Variants in UGT1A8 observed in about 807,000 individuals in gnomAD.
UGT1A8 encodes the protein UDP-glucuronosyltransferase 1A8.
UGT1A8 carries 39 observed loss-of-function variants against 45.3 expected under a neutral mutation model. That is an observed-to-expected ratio of 0.86 (90% CI 0.67 to 1.12). UGT1A8 has a LOEUF of 1.12. UGT1A8 is among the 50% of genes most tolerant of loss of function. The pLI is 0.00. For synonymous variants in UGT1A8, 275 were observed against 249.2 expected (o/e 1.10, Z -0.97); for missense variants, 719 against 664.9 (o/e 1.08, Z -0.90).
At chr2:233,656,782 C>T (rs866947986) in intron 1 of UGT1A8, among the ~76,000 whole-genome samples, 47 of 152,120 alleles carry the variant, frequency 3.1e-4, no homozygotes, top group African/African-American at 1.1e-3. Flanking sequence ...TCCCGCTGGC[C>T]AGGAGGGTTC....
At chr2:233,732,709 C>G (rs540969589) in intron 1 of UGT1A8, among the ~76,000 whole-genome samples, 1 of 150,878 alleles carries the variant, frequency 6.6e-6, no homozygotes, top group African/African-American at 2.4e-5. Context: ...GTTACTGTAG[C>G]CTTGTAGTAC....
intron 1 of UGT1A8, among the ~76,000 whole-genome samples, chr2:233,745,386 T>C (rs765197385): frequency 3.3e-5 from 5 of 151,842 alleles, no homozygotes; most frequent in Non-Finnish European, 7.4e-5. Flanking sequence ...TTCACCTCCT[T>C]ATTCTCTTTT....
At chr2:233,728,118 A>T (rs567951320) in intron 1 of UGT1A8, among the ~76,000 whole-genome samples, 4 of 152,254 alleles carry the variant, frequency 2.6e-5, no homozygotes, top group African/African-American at 9.6e-5. Flanking sequence ...TCCATCTTGA[A>T]ATTTGGACTA....
chr2:233,659,061 T>G (rs556134047), intron 1 of UGT1A8, among the ~76,000 whole-genome samples: 76 of 152,330 alleles, frequency 5.0e-4, no homozygotes, highest in Admixed American at 1.8e-3. Context: ...AATTTTGAGT[T>G]TTCCAATTCT....
At chr2:233,618,692 T>C (rs978525193) in intron 1 of UGT1A8, 130 bp downstream of exon 1, 3 of 1,495,540 alleles carry the variant, frequency 2.0e-6, no homozygotes, top group Non-Finnish European at 1.8e-6. Context: ...TAACAGATTA[T>C]TTTGTGCCAA....
At position 233,747,384 on chromosome 2, in the gene UGT1A8, G is replaced by A. The variant is rs1693657015; in HGVS notation, c.856-19650G>A. The A allele has an allele frequency of 7.5e-6, 12 of 1,605,260 alleles. No individual in the cohort carries two copies. In the South Asian group the frequency reaches 1.2e-4, roughly 16 times the overall value. ...GGAGCTCCATGCCAGAGGCCACCAGGCGGTGGTCCTCACCCCAGAGGTGAA... is the reference window on the plus strand; with the variant it reads ...GGAGCTCCATGCCAGAGGCCACCAGACGGTGGTCCTCACCCCAGAGGTGAA... On this transcript the variant is annotated intron_variant, in intron 1 of 4. Transcript: ENST00000373450.
At chr2:233,695,403 C>T (rs567357181) in intron 1 of UGT1A8, among the ~76,000 whole-genome samples, 6 of 150,700 alleles carry the variant, frequency 4.0e-5, no homozygotes, top group Admixed American at 6.6e-5. Flanking sequence ...GGATTACAGG[C>T]GTGAGCTACC....
chr2:233,624,311 T>C (rs989955246), intron 1 of UGT1A8, among the ~76,000 whole-genome samples: 8 of 152,150 alleles, frequency 5.3e-5, no homozygotes, highest in African/African-American at 1.9e-4. Context: ...TGGGCAGTTT[T>C]GAGCAGTCCT....
chr2:233,637,274 G>T (rs769058509), intron 1 of UGT1A8: 2 of 1,613,938 alleles, frequency 1.2e-6, no homozygotes, highest in Admixed American at 1.7e-5. Context: ...ACATCAATTT[G>T]GTTGTTGCGA....
chr2:233,747,841 G>C (rs1575686388), intron 1 of UGT1A8: 1 of 1,613,504 alleles, frequency 6.2e-7, no homozygotes, highest in East Asian at 2.2e-5. Flanking sequence ...TTCCTGCAAA[G>C]GGTCAAGAAC....
At chr2:233,649,555 C>A (rs1258473586) in intron 1 of UGT1A8, among the ~76,000 whole-genome samples, 2 of 152,142 alleles carry the variant, frequency 1.3e-5, no homozygotes, top group Admixed American at 1.3e-4. Flanking sequence ...AACTATCAGG[C>A]TGGACATGTT....
At chr2:233,721,907 C>A in intron 1 of UGT1A8, 1 of 444,142 alleles carries the variant, frequency 2.3e-6, no homozygotes, top group South Asian at 1.7e-5. Context: ...AAATGGTGCA[C>A]ACTGCTTCCA....
At chr2:233,700,719 T>A (rs551815415) in intron 1 of UGT1A8, among the ~76,000 whole-genome samples, 5 of 152,300 alleles carry the variant, frequency 3.3e-5, no homozygotes, top group East Asian at 1.9e-4. Context: ...TTTCTTTTTT[T>A]AAAAATTTTA....
Position 233,754,852 on chromosome 2 carries a change from G to C in UGT1A8, c.856-12182G>C, listed in dbSNP as rs193246215. The C allele has an allele frequency of 1.8e-5, 24 of 1,345,428 alleles. No homozygotes were observed. In the Middle Eastern group the frequency reaches 8.4e-4, roughly 47 times the overall value. The allele number at this position is 1,345,428 out of a possible 1,614,324, so 83.3% of individuals were successfully genotyped here. ...GGAAATTCACTGAAGGCAGAGAAAA[G>C]GGGTGCAGACCCTCTGCTTCTGCTT... On this transcript the variant is annotated intron_variant, in intron 1 of 4. Coordinates refer to ENST00000373450, the MANE Select transcript of UGT1A8 (RefSeq NM_019076.5).
At chr2:233,694,584 A>G (rs2075227609) in intron 1 of UGT1A8, among the ~76,000 whole-genome samples, 1 of 152,218 alleles carries the variant, frequency 6.6e-6, no homozygotes, top group Non-Finnish European at 1.5e-5. Context: ...GTAAATATTT[A>G]CAACTTTGAA....
chr2:233,718,919 G>A, intron 1 of UGT1A8: 1 of 1,614,102 alleles, frequency 6.2e-7, no homozygotes. Context: ...AGGTGTTGGT[G>A]GTGCCCACTG....
chr2:233,682,609 C>T (rs367786048), intron 1 of UGT1A8: 1 of 1,613,626 alleles, frequency 6.2e-7, no homozygotes, highest in Non-Finnish European at 8.5e-7. Context: ...CCTATTTTTT[C>T]AAAAATGTCT....
At chr2:233,729,866 A>C (rs1305518931) in intron 1 of UGT1A8, 8 of 1,613,728 alleles carry the variant, frequency 5.0e-6, no homozygotes, top group Non-Finnish European at 5.9e-6. Flanking sequence ...TCAGTGGTGG[A>C]TATTCTCAGT....
intron 1 of UGT1A8, chr2:233,760,103 T>C: frequency 1.7e-6 from 2 of 1,163,022 alleles, no homozygotes; most frequent in Non-Finnish European, 2.3e-6. Context: ...TGTTGCCTAT[T>C]AAGAAACCTA....
Sources: allele counts gnomAD v4.1 joint callset (sites outside exome capture counted in the v4.1 genomes callset), GRCh38; gene constraint gnomAD v4.1.1; transcripts MANE v1.5; gene names NCBI Gene and HGNC (gene_info 2026-07-23, HGNC 2026-07-21).